Variants in DAPK1 observed in about 807,000 individuals in gnomAD.
The protein encoded by DAPK1 is death-associated protein kinase 1.
A neutral mutation model predicts 144.9 loss-of-function variants in DAPK1; 56 were observed. The ratio of observed to expected loss-of-function variants is 0.39; its 90% confidence interval spans 0.31 to 0.48. The LOEUF is 0.48. Among genes scored for constraint, DAPK1 ranks in the 20% least tolerant of loss-of-function variants. DAPK1 has a pLI of 0.95. For missense variants in DAPK1, 1,454 were observed against 1,875.4 expected (o/e 0.78, Z 4.15); for synonymous variants, 690 against 749.0 (o/e 0.92, Z 1.29).
intron 16 of DAPK1, chr9:87,650,546 C>T (rs547606431): frequency 2.0e-4 from 41 of 203,778 alleles, no homozygotes; most frequent in Non-Finnish European, 3.7e-4. Flanking sequence ...CTGGCAATCT[C>T]GATGCTAGAC....
chr9:87,640,589 T>A (rs1270252220), intron 8 of DAPK1, 139 bp downstream of exon 8: 23 of 1,110,776 alleles, frequency 2.1e-5, no homozygotes, highest in Non-Finnish European at 2.8e-5. Context: ...TGTGAAACGC[T>A]TCAGAAAATG....
At chr9:87,638,147 A>G in intron 4 of DAPK1, 66 bp downstream of exon 4, 1 of 1,490,376 alleles carries the variant, frequency 6.7e-7, no homozygotes, top group Non-Finnish European at 9.0e-7. Context: ...TTTCTCTGCT[A>G]AGAAAAATTG....
chr9:87,536,944 T>A (rs1046626130), intron 2 of DAPK1, among the ~76,000 whole-genome samples: 2 of 152,064 alleles, frequency 1.3e-5, no homozygotes, highest in Non-Finnish European at 2.9e-5. Flanking sequence ...TGTTTTAGAT[T>A]AAATTTTACC....
intron 21 of DAPK1, among the ~76,000 whole-genome samples, chr9:87,691,071 C>T (rs1291611625): frequency 6.6e-6 from 1 of 151,974 alleles, no homozygotes; most frequent in African/African-American, 2.4e-5. Flanking sequence ...CCTGCCCCTT[C>T]AGTTTTTTTT....
chr9:87,603,737 G>A (rs1452586255), intron 2 of DAPK1, among the ~76,000 whole-genome samples: 1 of 152,160 alleles, frequency 6.6e-6, no homozygotes, highest in Admixed American at 6.5e-5. Context: ...TGGGCACTAG[G>A]GAAGAACGAA....
At chr9:87,592,213 C>A (rs1828162327) in intron 2 of DAPK1, among the ~76,000 whole-genome samples, 1 of 152,176 alleles carries the variant, frequency 6.6e-6, no homozygotes. Flanking sequence ...CTCCTTAGCC[C>A]CCAGCCCACT....
intron 2 of DAPK1, among the ~76,000 whole-genome samples, chr9:87,596,086 A>G (rs948515584): frequency 1.6e-4 from 24 of 152,060 alleles, no homozygotes; most frequent in African/African-American, 5.1e-4. Context: ...TGTGGGCTAC[A>G]TTCCAAGGGA....
intron 2 of DAPK1, among the ~76,000 whole-genome samples, chr9:87,532,349 A>G (rs1563978740): frequency 1.3e-5 from 2 of 152,214 alleles, no homozygotes; most frequent in African/African-American, 2.4e-5. Flanking sequence ...GAACACACCC[A>G]TGCCCATTTG....
chr9:87,573,061 C>A (rs1827418019), intron 2 of DAPK1, among the ~76,000 whole-genome samples: 1 of 152,200 alleles, frequency 6.6e-6, no homozygotes, highest in East Asian at 1.9e-4. Context: ...CTAAGCGTAT[C>A]TGTGATCTCT....
At chr9:87,671,501 T>C (rs558022016) in intron 19 of DAPK1, among the ~76,000 whole-genome samples, 37 of 125,560 alleles carry the variant, frequency 2.9e-4, no homozygotes, top group African/African-American at 8.8e-4. Context: ...GTCACCTTTT[T>C]TTTCTTTGTT....
chr9:87,597,366 T>C (rs1174932238), intron 2 of DAPK1, among the ~76,000 whole-genome samples: 3 of 152,120 alleles, frequency 2.0e-5, no homozygotes, highest in African/African-American at 7.2e-5. Context: ...AAACCAAATA[T>C]GTCTCCATCC....
At chr9:87,570,572 A>G (rs1475243185) in intron 2 of DAPK1, among the ~76,000 whole-genome samples, 1 of 152,216 alleles carries the variant, frequency 6.6e-6, no homozygotes, top group African/African-American at 2.4e-5. Context: ...TAAATAATAC[A>G]TGTTTTCCTC....
chr9:87,651,980 G>A (rs369556634), intron 17 of DAPK1, among the ~76,000 whole-genome samples: 4 of 97,454 alleles, frequency 4.1e-5, no homozygotes, highest in Non-Finnish European at 4.4e-5. Flanking sequence ...ACCTGATCCC[G>A]GGTCCTGATT....
intron 2 of DAPK1, among the ~76,000 whole-genome samples, chr9:87,522,075 C>T (rs1825319684): frequency 1.3e-5 from 2 of 152,194 alleles, no homozygotes; most frequent in South Asian, 2.1e-4. Context: ...TGCTCTTAGA[C>T]TTCCCAGCCT....
chr9:87,520,835 T>C (rs1825271220), intron 2 of DAPK1, among the ~76,000 whole-genome samples: 1 of 152,214 alleles, frequency 6.6e-6, no homozygotes, highest in Non-Finnish European at 1.5e-5. Context: ...CACATATATC[T>C]ATACATGTAC....
intron 2 of DAPK1, among the ~76,000 whole-genome samples, chr9:87,577,471 G>A (rs1827605807): frequency 6.6e-6 from 1 of 152,084 alleles, no homozygotes; most frequent in Non-Finnish European, 1.5e-5. Flanking sequence ...AATGAGTCTG[G>A]GGCAGAGCCC....
chr9:87,544,260 AC>A (rs1373142526), intron 2 of DAPK1, among the ~76,000 whole-genome samples: 1 of 152,230 alleles, frequency 6.6e-6, no homozygotes, highest in East Asian at 1.9e-4. Flanking sequence ...TACAAATTGT[AC>A]AAGCAACATA....
At chr9:87,652,366 A>C (rs1273528407) in intron 17 of DAPK1, among the ~76,000 whole-genome samples, 2 of 59,556 alleles carry the variant, frequency 3.4e-5, no homozygotes, top group Admixed American at 1.6e-4. Context: ...GTGTCCTCCC[A>C]CCTGATCCCG....
chr9:87,671,919 A>G lies in DAPK1; in HGVS notation c.2001+3245A>G, dbSNP rs571543329. 2.0e-5 allele frequency among the ~76,000 whole-genome samples: 3 copies of G among 152,334 alleles called. No homozygotes were observed. The South Asian group carries it at 6.2e-4, about 32-fold the overall frequency. On this transcript the variant is annotated intron_variant, in intron 19 of 25. Transcript: ENST00000408954. ...TTTATGTAGAAGCAAAGTACAGAGTAGTGCCTAAGAGCAGAGACTGGAGGT... is the reference window on the plus strand; with the variant it reads ...TTTATGTAGAAGCAAAGTACAGAGTGGTGCCTAAGAGCAGAGACTGGAGGT...
Sources: allele counts gnomAD v4.1 joint callset (sites outside exome capture counted in the v4.1 genomes callset), GRCh38; gene constraint gnomAD v4.1.1; transcripts MANE v1.5; gene names NCBI Gene and HGNC (gene_info 2026-07-23, HGNC 2026-07-21).